ANK2: variants seen among roughly 807,000 people sequenced by gnomAD.
The protein encoded by ANK2 is ankyrin-2.
Under a neutral mutation model 360.5 loss-of-function variants are expected in ANK2, and 83 were observed. The observed-to-expected ratio is 0.23, with a 90% CI of 0.19 to 0.28. The LOEUF (loss-of-function observed/expected upper bound fraction) is 0.28, where lower values mean the gene tolerates loss of function less well. Among genes scored for constraint, ANK2 ranks in the 10% least tolerant of loss-of-function variants. ANK2 has a pLI of 1.00. For missense variants in ANK2, 4,201 were observed against 4,795.7 expected (o/e 0.88, Z 3.66); for synonymous variants, 1,740 against 1,759.5 (o/e 0.99, Z 0.28).
At chr4:112,718,718 A>G in the ANK2 span, among the ~76,000 whole-genome samples, 4 of 151,876 alleles carry the variant, frequency 2.6e-5, no homozygotes, top group African/African-American at 7.3e-5. Context: ...GCTCACTGCA[A>G]CCTCTGCCTC....
At chr4:113,140,474 A>G (rs529745688) in intron 1 of ANK2, among the ~76,000 whole-genome samples, 4 of 152,186 alleles carry the variant, frequency 2.6e-5, no homozygotes, top group Admixed American at 1.3e-4. Flanking sequence ...TCACGTTAGG[A>G]TAGTTTTTTT....
At chr4:113,066,837 G>A (rs1040026017) in intron 1 of ANK2, among the ~76,000 whole-genome samples, 3 of 152,144 alleles carry the variant, frequency 2.0e-5, no homozygotes, top group African/African-American at 7.2e-5. Flanking sequence ...GAGCTTCTCT[G>A]TGTCTCAGCT....
At chr4:112,967,431 T>G (rs1240058920) in intron 2 of ANK2, among the ~76,000 whole-genome samples, 1 of 152,234 alleles carries the variant, frequency 6.6e-6, no homozygotes, top group Non-Finnish European at 1.5e-5. Context: ...ACCTTTTCCC[T>G]CACCACCATT....
intron 1 of ANK2, among the ~76,000 whole-genome samples, chr4:113,085,829 T>C (rs2084459009): frequency 6.6e-6 from 1 of 152,168 alleles, no homozygotes; most frequent in Non-Finnish European, 1.5e-5. Flanking sequence ...TATTAAGCAC[T>C]AAAACCAGTC....
intron 2 of ANK2, among the ~76,000 whole-genome samples, chr4:112,914,740 C>G (rs1364292202): frequency 6.6e-6 from 1 of 152,134 alleles, no homozygotes; most frequent in South Asian, 2.1e-4. Flanking sequence ...AGAAGAGGCA[C>G]CCACTGTTTC....
At chr4:112,908,323 C>T (rs180899895) in intron 2 of ANK2, among the ~76,000 whole-genome samples, 5 of 152,254 alleles carry the variant, frequency 3.3e-5, no homozygotes, top group African/African-American at 9.6e-5. Context: ...GGTTAAGTAA[C>T]TTGTCAAACT....
At chr4:112,996,456 C>G (rs891209359) in intron 2 of ANK2, among the ~76,000 whole-genome samples, 2 of 152,066 alleles carry the variant, frequency 1.3e-5, no homozygotes, top group African/African-American at 2.4e-5. Context: ...AAGATATTTA[C>G]TCGTTTTGCA....
chr4:112,753,614 G>A, the ANK2 span, among the ~76,000 whole-genome samples: 18 of 152,240 alleles, frequency 1.2e-4, no homozygotes, highest in African/African-American at 4.1e-4. Context: ...GATAAAGCAG[G>A]TTGTAGTGAA....
At chr4:112,985,598 C>T (rs2154275547) in intron 2 of ANK2, among the ~76,000 whole-genome samples, 1 of 152,262 alleles carries the variant, frequency 6.6e-6, no homozygotes, top group South Asian at 2.1e-4. Flanking sequence ...CCATAGGGAC[C>T]TGGTTGGTTT....
chr4:112,762,498 C>T, the ANK2 span, among the ~76,000 whole-genome samples: 1 of 152,056 alleles, frequency 6.6e-6, no homozygotes. Context: ...CATGTGAATG[C>T]TTTTCTAATT....
chr4:113,236,723 G>A (rs768880665), intron 5 of ANK2, among the ~76,000 whole-genome samples: 1 of 152,110 alleles, frequency 6.6e-6, no homozygotes, highest in Non-Finnish European at 1.5e-5. Context: ...CCATACATTT[G>A]AGCACATCCT....
chr4:113,330,221 T>C (rs1006515849), intron 26 of ANK2, 25 bp from the exon 27 acceptor site: 2 of 1,601,162 alleles, frequency 1.2e-6, no homozygotes, highest in Non-Finnish European at 8.5e-7. Context: ...TCAAAACATA[T>C]CTAATCTTCT....
At chr4:112,747,741 G>A in the ANK2 span, among the ~76,000 whole-genome samples, 1 of 152,158 alleles carries the variant, frequency 6.6e-6, no homozygotes, top group Non-Finnish European at 1.5e-5. Flanking sequence ...GTGGGAAAGG[G>A]TGACAGGACA....
At chr4:112,983,588 T>G (rs1465945364) in intron 2 of ANK2, among the ~76,000 whole-genome samples, 2 of 151,910 alleles carry the variant, frequency 1.3e-5, no homozygotes, top group Admixed American at 1.3e-4. Context: ...GGCAGGAGAA[T>G]TGCTTGAACC....
intron 34 of ANK2, among the ~76,000 whole-genome samples, chr4:113,343,430 TTATC>T (rs1250074485): frequency 2.6e-5 from 4 of 152,190 alleles, no homozygotes; most frequent in Admixed American, 1.3e-4. Context: ...GAAAGCTTAT[TTATC>T]TATTATAACT....
intron 1 of ANK2, among the ~76,000 whole-genome samples, chr4:113,054,055 G>C (rs2068400469): frequency 6.6e-6 from 1 of 152,164 alleles, no homozygotes; most frequent in Non-Finnish European, 1.5e-5. Flanking sequence ...TTGGAAATGG[G>C]AATGCCCAAG....
chr4:113,094,025 T>C (rs891838466), intron 1 of ANK2, among the ~76,000 whole-genome samples: 1 of 152,228 alleles, frequency 6.6e-6, no homozygotes, highest in Admixed American at 6.5e-5. Context: ...GAAACTTGTA[T>C]AAATGAATAG....
chr4:113,065,709 CT>C (rs1455858374), intron 1 of ANK2, among the ~76,000 whole-genome samples: 3 of 152,188 alleles, frequency 2.0e-5, no homozygotes, highest in Admixed American at 2.0e-4. Flanking sequence ...AGCAAAGCCC[CT>C]GATCTACTGC....
At chr4:112,978,400 T>C (rs2042100047) in intron 2 of ANK2, among the ~76,000 whole-genome samples, 1 of 152,214 alleles carries the variant, frequency 6.6e-6, no homozygotes, top group African/African-American at 2.4e-5. Context: ...TATATTCACA[T>C]TGCTGTGCAA....
Sources: allele counts gnomAD v4.1 joint callset (sites outside exome capture counted in the v4.1 genomes callset), GRCh38; gene constraint gnomAD v4.1.1; transcripts MANE v1.5; gene names NCBI Gene and HGNC (gene_info 2026-07-23, HGNC 2026-07-21).